C19orf38: variants seen among roughly 807,000 people sequenced by gnomAD.
C19orf38 encodes the protein protein HIDE1.
C19orf38 carries 14 observed loss-of-function variants against 26.6 expected under a neutral mutation model. That is an observed-to-expected ratio of 0.53 (90% confidence interval 0.35 to 0.82). C19orf38 has a LOEUF of 0.82. C19orf38 is among the 40% of genes least tolerant of loss of function. The pLI is 0.01. For synonymous variants in C19orf38, 132 were observed against 128.5 expected, an observed-to-expected ratio of 1.03 and a Z score of -0.18; for missense variants, 261 against 299.5, an observed-to-expected ratio of 0.87 and a Z score of 0.95.
At chr19:10,860,702 G>A (rs1290161940) in intron 5 of C19orf38, among the ~76,000 whole-genome samples, 18 of 150,440 alleles carry the variant, frequency 1.2e-4, no homozygotes, top group Non-Finnish European at 2.2e-4. Flanking sequence ...TTAGGTGGGC[G>A]TGGTGGCGGG....
In C19orf38 at chr19:10,859,775, T is replaced by TG. The variant is rs372219937; in HGVS notation, c.462-136dup. 2,547 of 695,482 alleles carry TG rather than the reference T, an allele frequency of 3.7e-3. 66 individuals are homozygous for TG. In the South Asian group the frequency reaches 0.041, roughly 11 times the overall value. The allele number at this position is 695,482 out of a possible 1,614,324, so 43.1% of individuals were successfully genotyped here. On this transcript the variant is annotated intron_variant, in intron 4 of 6. Transcript: ENST00000397820. Reference sequence around the variant, plus strand: ...AAATCAGGATGTTACTGCTCTTCTGTGGGGAAGACCCATGGGTCAGTGGGT... The same window carrying TG: ...AAATCAGGATGTTACTGCTCTTCTGTGGGGGAAGACCCATGGGTCAGTGGGT...
chr19:10,843,427 C>T (rs1464185021), upstream of C19orf38, among the ~76,000 whole-genome samples: 1 of 152,216 alleles, frequency 6.6e-6, no homozygotes, highest in East Asian at 1.9e-4. Flanking sequence ...TTCCCTGACC[C>T]TGCTGTAGCT....
At chr19:10,868,323 T>C (rs1017806718) in intron 6 of C19orf38, among the ~76,000 whole-genome samples, 10 of 152,082 alleles carry the variant, frequency 6.6e-5, no homozygotes, top group African/African-American at 2.2e-4. Flanking sequence ...TCACCCAGCT[T>C]GGGAGGGACA....
chr19:10,843,639 A>C (rs2073494574), upstream of C19orf38, among the ~76,000 whole-genome samples: 1 of 151,986 alleles, frequency 6.6e-6, no homozygotes, highest in African/African-American at 2.4e-5. Context: ...ATCTCTCTTA[A>C]CTCCATCTCC....
chr19:10,869,179 A>C, intron 6 of C19orf38, 39 bp from the exon 7 acceptor site: 1 of 1,551,006 alleles, frequency 6.4e-7, no homozygotes. Context: ...CTGAAACCCC[A>C]AATCACCCAC....
chr19:10,866,969 T>A (rs2073757756), intron 6 of C19orf38, among the ~76,000 whole-genome samples: 1 of 151,942 alleles, frequency 6.6e-6, no homozygotes, highest in African/African-American at 2.4e-5. Flanking sequence ...TGTATATTTT[T>A]AGTAGAGACA....
At chr19:10,851,555 C>A (rs1037147823) in intron 2 of C19orf38, among the ~76,000 whole-genome samples, 1 of 151,982 alleles carries the variant, frequency 6.6e-6, no homozygotes. Flanking sequence ...TGACCAGGGC[C>A]GGACATGGTA....
chr19:10,844,413 A>AAG (rs35981174), upstream of C19orf38, among the ~76,000 whole-genome samples: 44,026 of 148,694 alleles, frequency 0.3, 6,749 homozygotes, highest in East Asian at 0.57. Flanking sequence ...AAAAAAAAAA[A>AAG]AAAAAAAATT....
At chr19:10,838,816 A>C (rs1014185649) in intron 1 of C19orf38, among the ~76,000 whole-genome samples, 1 of 152,062 alleles carries the variant, frequency 6.6e-6, no homozygotes, top group Non-Finnish European at 1.5e-5. Context: ...CAGGTGTGCC[A>C]TTTGCATAGG....
rs561828806 is a variant in C19orf38, at chr19:10,857,292, G to A, written c.433+935G>A. 2.4e-3 allele frequency among the ~76,000 whole-genome samples: 279 copies of A among 115,790 alleles called. 6 individuals are homozygous for A. In the South Asian group the frequency reaches 0.057, roughly 24 times the overall value. The allele number at this position is 115,790 out of a possible 152,430, so 76.0% of individuals were successfully genotyped here. Reference sequence around the variant, plus strand: ...TGTGTGGGTATATATGTGTGTGTATGTATATATATATGTGTGTATATATAT... The same window carrying A: ...TGTGTGGGTATATATGTGTGTGTATATATATATATATGTGTGTATATATAT... On this transcript the variant is annotated intron_variant, in intron 3 of 6. Coordinates refer to ENST00000397820, the MANE Select transcript of C19orf38 (RefSeq NM_001136482.3).
chr19:10,838,257 A>G (rs890693724), intron 1 of C19orf38, among the ~76,000 whole-genome samples: 4 of 151,994 alleles, frequency 2.6e-5, no homozygotes, highest in Non-Finnish European at 5.9e-5. Flanking sequence ...AAAAATACAA[A>G]AAATTAGCCA....
chr19:10,854,135 T>C (rs1181691525), intron 2 of C19orf38, among the ~76,000 whole-genome samples: 1 of 151,388 alleles, frequency 6.6e-6, no homozygotes, highest in Non-Finnish European at 1.5e-5. Context: ...CAATCTCGGC[T>C]CACTGCAACC....
At position 10,865,013 on chromosome 19, in the gene C19orf38, G is replaced by C. The variant is rs1046147749; in HGVS notation, c.543+1806G>C. Among the ~76,000 whole-genome samples, 100 of 152,318 alleles carry C rather than the reference G, an allele frequency of 6.6e-4. 2 individuals carry two copies. The highest frequency in any genetic ancestry group is 2.4e-3 in the African/African-American group (99 of 41,574). ...GCCTGTGCAGCCCTCTGAGGTCTCT[G>C]CTTCCAGAATAAATCCTGAGGCCAT... On this transcript the variant is annotated intron_variant, in intron 6 of 6. Coordinates refer to ENST00000397820, the MANE Select transcript of C19orf38 (RefSeq NM_001136482.3).
chr19:10,855,750 G>T (rs768400270), intron 2 of C19orf38, among the ~76,000 whole-genome samples: 1 of 151,934 alleles, frequency 6.6e-6, no homozygotes, highest in Non-Finnish European at 1.5e-5. Flanking sequence ...GGATGGTCTC[G>T]ATCTACTGAC....
At chr19:10,843,834 G>A (rs901395285), upstream of C19orf38, among the ~76,000 whole-genome samples, 2 of 152,198 alleles carry the variant, frequency 1.3e-5, no homozygotes, top group African/African-American at 4.8e-5. Context: ...AAGATATCAT[G>A]AAGGCTGGGC....
rs1433358051 is a variant in C19orf38 at position 10,857,366 on chromosome 19, A to ATATATAT, written c.434-949_434-948insATATATT. On this transcript the variant is annotated intron_variant, in intron 3 of 6. Transcript: ENST00000397820. ...TATATATATATATATATATATATAT[A>ATATATAT]TTTTTTTTTTTTTTTTTTTAAGATG... is the stretch of plus-strand genomic sequence containing the variant. Among the ~76,000 whole-genome samples the ATATATAT allele has an allele frequency of 2.0e-3, 114 of 56,094 alleles. 2 individuals are homozygous for ATATATAT. Among genetic ancestry groups the ATATATAT allele is most frequent in the African/African-American group, 7.0e-3 (41 of 5,822 alleles). The allele number at this position is 56,094 out of a possible 152,430, so 36.8% of individuals were successfully genotyped here.
At chr19:10,842,718 CAG>C (rs1241813758) in intron 1 of C19orf38, among the ~76,000 whole-genome samples, 1 of 151,944 alleles carries the variant, frequency 6.6e-6, no homozygotes, top group Non-Finnish European at 1.5e-5. Context: ...ACCTGTGCAA[CAG>C]AGAGAGACCC....
intron 3 of C19orf38, among the ~76,000 whole-genome samples, chr19:10,857,730 A>G (rs2073643985): frequency 1.3e-5 from 2 of 151,476 alleles, no homozygotes; most frequent in East Asian, 2.0e-4. Context: ...AAAACACAAA[A>G]ATTAGCCGGG....
chr19:10,858,284 T>G, intron 3 of C19orf38, 32 bp from the exon 4 acceptor site: 1 of 881,198 alleles, frequency 1.1e-6, no homozygotes, highest in Non-Finnish European at 1.6e-6. Context: ...AGGACCAAAA[T>G]CTAACACATG....
Sources: gnomAD v4.1 joint callset for allele counts (sites outside exome capture counted in the v4.1 genomes callset) on GRCh38, gnomAD v4.1.1 for gene constraint, MANE v1.5 for transcripts, NCBI Gene and HGNC (gene_info 2026-07-23, HGNC 2026-07-21) for gene names.